The following SPATS2 variants were observed in gnomAD, a reference collection of about 807,000 sequenced individuals.
SPATS2 encodes the protein spermatogenesis associated serine rich 2, also known as spermatogenesis-associated serine-rich protein 2.
In SPATS2, 38 loss-of-function variants were observed where a neutral mutation model predicts 63.7. The observed-to-expected ratio is 0.60, with a 90% CI of 0.46 to 0.78. SPATS2 has a LOEUF of 0.78. SPATS2 is among the 30% of genes least tolerant of loss of function. The probability of loss-of-function intolerance (pLI) is 0.00; values close to 1 mark genes in which losing one functional copy is unlikely to be tolerated. For missense variants in SPATS2, 588 were observed against 666.2 expected (o/e 0.88, Z 1.29); for synonymous variants, 207 against 232.9 (o/e 0.89, Z 1.01).
intron 2 of SPATS2, among the ~76,000 whole-genome samples, chr12:49,400,390 G>T (rs909444323): frequency 7.2e-5 from 11 of 152,154 alleles, no homozygotes; most frequent in Non-Finnish European, 1.5e-4. Context: ...TGGATAAGTA[G>T]CTGGTGAGGA....
At chr12:49,508,300 C>T (rs1430690833) in intron 9 of SPATS2, among the ~76,000 whole-genome samples, 3 of 152,088 alleles carry the variant, frequency 2.0e-5, no homozygotes, top group African/African-American at 2.4e-5. Flanking sequence ...CTCTGCCTCC[C>T]GGGTTCAAGC....
intron 3 of SPATS2, among the ~76,000 whole-genome samples, chr12:49,467,980 G>T (rs1234514890): frequency 6.6e-6 from 1 of 151,800 alleles, no homozygotes; most frequent in Non-Finnish European, 1.5e-5. Context: ...TGATCCACCC[G>T]CCTCGGCCTC....
rs752991508 is a variant in SPATS2, at chr12:49,489,579, C to A, written c.214+6C>A. On this transcript the variant is annotated splice_donor_region_variant and intron_variant, in intron 5 of 13. Transcript: ENST00000552918. Reference sequence around the variant, plus strand: ...AGTACAAGCATTCATGGAAGGTAATCCTGACTTAATTTTAAAAATAAATTT... The same window carrying A: ...AGTACAAGCATTCATGGAAGGTAATACTGACTTAATTTTAAAAATAAATTT... The A allele has an allele frequency of 5.0e-6, 8 of 1,599,932 alleles. No homozygotes were observed. The East Asian group carries it at 1.8e-4, about 36-fold the overall frequency.
chr12:49,434,966 T>C (rs1228051023), intron 2 of SPATS2, among the ~76,000 whole-genome samples: 3 of 151,750 alleles, frequency 2.0e-5, no homozygotes, highest in Admixed American at 6.6e-5. Context: ...ATTTAATTAA[T>C]ATAATATAGT....
chr12:49,440,472 A>ATTT (rs58209886), intron 2 of SPATS2, among the ~76,000 whole-genome samples: 10 of 140,428 alleles, frequency 7.1e-5, no homozygotes, highest in African/African-American at 2.7e-4. Flanking sequence ...CATGGCATTA[A>ATTT]TTTTTTTTTT....
chr12:49,383,326 AT>A (rs535019643), intron 2 of SPATS2, among the ~76,000 whole-genome samples: 1 of 151,644 alleles, frequency 6.6e-6, no homozygotes, highest in Non-Finnish European at 1.5e-5. Flanking sequence ...GATTGTATGT[AT>A]TTTTTTAATG....
chr12:49,508,238 C>G (rs567464472), intron 9 of SPATS2, among the ~76,000 whole-genome samples: 2 of 151,802 alleles, frequency 1.3e-5, no homozygotes, highest in African/African-American at 4.8e-5. Context: ...GACTGAGTCT[C>G]GTTCTGTCTC....
chr12:49,399,118 C>CT (rs752175917), intron 2 of SPATS2, among the ~76,000 whole-genome samples: 1 of 151,638 alleles, frequency 6.6e-6, no homozygotes, highest in Non-Finnish European at 1.5e-5. Flanking sequence ...GTTTTCGTGT[C>CT]TTTTTTTCTA....
At chr12:49,447,503 C>T (rs1263591597) in intron 2 of SPATS2, among the ~76,000 whole-genome samples, 1 of 152,200 alleles carries the variant, frequency 6.6e-6, no homozygotes, top group Non-Finnish European at 1.5e-5. Flanking sequence ...TCCCAAAGTG[C>T]TGGGATTACA....
intron 2 of SPATS2, among the ~76,000 whole-genome samples, chr12:49,458,081 G>T (rs894746548): frequency 6.6e-6 from 1 of 152,132 alleles, no homozygotes; most frequent in Non-Finnish European, 1.5e-5. Flanking sequence ...TTTAATATAA[G>T]TGTACTCTCC....
chr12:49,416,924 C>T (rs951272365), intron 2 of SPATS2, among the ~76,000 whole-genome samples: 1 of 152,192 alleles, frequency 6.6e-6, no homozygotes, highest in Non-Finnish European at 1.5e-5. Context: ...AAACACCAGA[C>T]ACCCCACATA....
At chr12:49,462,578 C>G (rs1202469490) in intron 3 of SPATS2, 5 of 620,702 alleles carry the variant, frequency 8.1e-6, no homozygotes, top group Non-Finnish European at 1.4e-5. Context: ...ACTCGTGGCT[C>G]CTGAGCTCTT....
chr12:49,479,256 C>G (rs1416638424), intron 3 of SPATS2, among the ~76,000 whole-genome samples: 5 of 152,256 alleles, frequency 3.3e-5, no homozygotes, highest in Non-Finnish European at 7.3e-5. Flanking sequence ...AGCCTGGCCC[C>G]CAGCCTTCAG....
intron 2 of SPATS2, among the ~76,000 whole-genome samples, chr12:49,422,260 C>T (rs1362225977): frequency 1.3e-5 from 2 of 152,154 alleles, no homozygotes; most frequent in African/African-American, 4.8e-5. Flanking sequence ...TTGGGAAACT[C>T]GCAAACCTCA....
chr12:49,489,665 T>C (rs2137873517), intron 5 of SPATS2, 92 bp downstream of exon 5: 1 of 1,040,384 alleles, frequency 9.6e-7, no homozygotes, highest in East Asian at 2.6e-5. Context: ...CAGTGATTCA[T>C]AGATGATAGA....
At chr12:49,472,891 T>C (rs1946060337) in intron 3 of SPATS2, among the ~76,000 whole-genome samples, 1 of 150,488 alleles carries the variant, frequency 6.6e-6, no homozygotes, top group African/African-American at 2.4e-5. Flanking sequence ...AGTAAAAAAT[T>C]AGCCAGACGT....
At chr12:49,492,088 C>T (rs980170120) in intron 6 of SPATS2, among the ~76,000 whole-genome samples, 2 of 152,204 alleles carry the variant, frequency 1.3e-5, no homozygotes, top group East Asian at 1.9e-4. Context: ...CCTAATACTA[C>T]ACAGATTCTT....
intron 2 of SPATS2, among the ~76,000 whole-genome samples, chr12:49,391,747 A>G (rs987661574): frequency 2.0e-5 from 3 of 152,164 alleles, no homozygotes; most frequent in African/African-American, 7.2e-5. Context: ...ATAATTTTTT[A>G]AATAAATATT....
intron 2 of SPATS2, among the ~76,000 whole-genome samples, chr12:49,451,495 A>T (rs762143281): frequency 6.6e-6 from 1 of 152,244 alleles, no homozygotes; most frequent in Non-Finnish European, 1.5e-5. Context: ...TGTATTACAT[A>T]AAACAGTAAT....
Sources: gnomAD v4.1 joint callset for allele counts (sites outside exome capture counted in the v4.1 genomes callset) on GRCh38, gnomAD v4.1.1 for gene constraint, MANE v1.5 for transcripts, NCBI Gene and HGNC (gene_info 2026-07-23, HGNC 2026-07-21) for gene names.